Variants in CNTN4 observed in about 807,000 individuals in gnomAD.
CNTN4 encodes the protein contactin 4, also known as contactin-4.
In CNTN4, 77 loss-of-function variants were observed where a neutral mutation model predicts 122.5. The observed-to-expected ratio is 0.63, with a 90% confidence interval of 0.52 to 0.76. CNTN4 has a LOEUF of 0.76. Among genes scored for constraint, CNTN4 ranks in the 30% least tolerant of loss-of-function variants. The pLI, the probability that CNTN4 is intolerant of heterozygous loss-of-function variation, is 0.00. For synonymous variants in CNTN4, 512 were observed against 447.0 expected, an observed-to-expected ratio of 1.15 and a Z score of -1.83; for missense variants, 1,256 against 1,259.1, an observed-to-expected ratio of 1.00 and a Z score of 0.04.
At chr3:2,833,444 C>A (rs1284782927) in intron 7 of CNTN4, among the ~76,000 whole-genome samples, 1 of 127,102 alleles carries the variant, frequency 7.9e-6, no homozygotes, top group Non-Finnish European at 1.6e-5. Flanking sequence ...AAAGTTCCAA[C>A]CCATATGTAA....
In CNTN4 at chr3:2,741,464, T is replaced by C. The variant is rs150398056; in HGVS notation, c.183-4058T>C. Among the ~76,000 whole-genome samples the C allele has an allele frequency of 1.7e-3, 260 of 152,288 alleles. 2 individuals carry two copies. The highest frequency in any genetic ancestry group is 6.0e-3 in the African/African-American group (249 of 41,568). ...GGACCATATAATTAGGGTGAACATG[T>C]AATTTATCATCTGAGGTCACTTTTT... is the stretch of plus-strand genomic sequence containing the variant. On this transcript the variant is annotated intron_variant, in intron 5 of 24. Transcript: ENST00000418658.
chr3:2,815,298 G>C (rs1319995477), intron 6 of CNTN4, among the ~76,000 whole-genome samples: 1 of 152,038 alleles, frequency 6.6e-6, no homozygotes, highest in South Asian at 2.1e-4. Flanking sequence ...CAGAGTGAAC[G>C]GACAACCCAC....
At chr3:2,100,283 A>G (rs1019824170) in intron 1 of CNTN4, among the ~76,000 whole-genome samples, 19 of 152,242 alleles carry the variant, frequency 1.2e-4, no homozygotes, top group African/African-American at 4.3e-4. Flanking sequence ...TAACAGTGGC[A>G]TTTAACTGCA....
At chr3:2,974,127 A>G (rs567037597) in intron 13 of CNTN4, among the ~76,000 whole-genome samples, 19 of 152,310 alleles carry the variant, frequency 1.2e-4, no homozygotes, top group South Asian at 8.3e-4. Context: ...TACTGAAACA[A>G]AAAAAGTAGT....
intron 4 of CNTN4, among the ~76,000 whole-genome samples, chr3:2,573,415 C>T (rs542517035): frequency 6.6e-6 from 1 of 152,236 alleles, no homozygotes; most frequent in Non-Finnish European, 1.5e-5. Flanking sequence ...GCAGTATGCC[C>T]AGGCTCTAAT....
chr3:2,703,112 C>T (rs2086451954), intron 4 of CNTN4, among the ~76,000 whole-genome samples: 1 of 152,166 alleles, frequency 6.6e-6, no homozygotes, highest in East Asian at 1.9e-4. Flanking sequence ...CCTAATTCTA[C>T]AGAGGACGAA....
At chr3:2,408,602 A>G (rs2047119289) in intron 3 of CNTN4, among the ~76,000 whole-genome samples, 1 of 152,206 alleles carries the variant, frequency 6.6e-6, no homozygotes, top group Non-Finnish European at 1.5e-5. Context: ...AATTGTGAAG[A>G]CAGAAGTTCC....
At chr3:2,588,620 C>T (rs1284320207) in intron 4 of CNTN4, among the ~76,000 whole-genome samples, 1 of 151,982 alleles carries the variant, frequency 6.6e-6, no homozygotes, top group Non-Finnish European at 1.5e-5. Context: ...TCGCCTCGGC[C>T]TCCCAAAGTG....
At chr3:2,705,958 A>ATATATAAAATATATAT (rs2086705967) in intron 4 of CNTN4, among the ~76,000 whole-genome samples, 2 of 131,562 alleles carry the variant, frequency 1.5e-5, no homozygotes, top group Admixed American at 1.8e-4. Flanking sequence ...TAATATATAA[A>ATATATAAAATATATAT]TATATAAAAT....
chr3:2,998,179 C>G (rs1193787511), intron 14 of CNTN4, among the ~76,000 whole-genome samples: 2 of 152,146 alleles, frequency 1.3e-5, no homozygotes, highest in Non-Finnish European at 2.9e-5. Flanking sequence ...TTTGTACCAA[C>G]ACTTCAACTT....
At chr3:2,707,341 C>A (rs2086802929) in intron 4 of CNTN4, among the ~76,000 whole-genome samples, 1 of 151,592 alleles carries the variant, frequency 6.6e-6, no homozygotes, top group Non-Finnish European at 1.5e-5. Flanking sequence ...AAAACTTCAC[C>A]TACAATTTGG....
chr3:2,290,789 C>T (rs2042105378), intron 2 of CNTN4, among the ~76,000 whole-genome samples: 1 of 152,066 alleles, frequency 6.6e-6, no homozygotes, highest in African/African-American at 2.4e-5. Flanking sequence ...CTAGAGATAA[C>T]CATTAAAATT....
chr3:2,133,837 C>CT (rs2034562609), intron 2 of CNTN4, among the ~76,000 whole-genome samples: 1 of 152,116 alleles, frequency 6.6e-6, no homozygotes, highest in African/African-American at 2.4e-5. Flanking sequence ...TGGCTAGGTC[C>CT]TTTAACAATC....
At chr3:2,244,222 C>A (rs1314663745) in intron 2 of CNTN4, among the ~76,000 whole-genome samples, 2 of 112,570 alleles carry the variant, frequency 1.8e-5, no homozygotes, top group Non-Finnish European at 4.3e-5. Context: ...TAAAAAAAAT[C>A]TATGTAAATG....
intron 2 of CNTN4, among the ~76,000 whole-genome samples, chr3:2,285,202 T>C (rs2041858993): frequency 6.6e-6 from 1 of 152,020 alleles, no homozygotes; most frequent in Non-Finnish European, 1.5e-5. Context: ...AGATCTAAGA[T>C]AAAGTACTAC....
At chr3:2,895,939 A>G (rs368630123) in intron 10 of CNTN4, among the ~76,000 whole-genome samples, 102 of 152,284 alleles carry the variant, frequency 6.7e-4, no homozygotes, top group African/African-American at 2.1e-3. Flanking sequence ...AGGCTGAGGC[A>G]GGAGAATGGC....
intron 2 of CNTN4, among the ~76,000 whole-genome samples, chr3:2,135,240 G>C (rs1457964218): frequency 6.6e-6 from 1 of 152,102 alleles, no homozygotes; most frequent in South Asian, 2.1e-4. Flanking sequence ...ATGAACATAG[G>C]ATAAAAGCTC....
chr3:2,600,008 CTTTTTTTTTTTTTT>C (rs71058630), intron 4 of CNTN4, among the ~76,000 whole-genome samples: 1 of 41,744 alleles, frequency 2.4e-5, no homozygotes, highest in Non-Finnish European at 4.0e-5. Context: ...TGGAATTCTT[CTTTTTTTTTTTTTT>C]TTTTTTTTTT....
chr3:2,974,415 G>C (rs1334396551), intron 13 of CNTN4, among the ~76,000 whole-genome samples: 1 of 152,108 alleles, frequency 6.6e-6, no homozygotes, highest in Non-Finnish European at 1.5e-5. Flanking sequence ...CACCATCACA[G>C]GCTTAAATGT....
Sources: gnomAD v4.1 joint callset for allele counts (sites outside exome capture counted in the v4.1 genomes callset) on GRCh38, gnomAD v4.1.1 for gene constraint, MANE v1.5 for transcripts, NCBI Gene and HGNC (gene_info 2026-07-23, HGNC 2026-07-21) for gene names.